ZNF329: variants seen among roughly 807,000 people sequenced by gnomAD.
ZNF329 encodes the protein zinc finger protein 329.
Under a neutral mutation model 26.6 loss-of-function variants are expected in ZNF329, and 15 were observed. That is an observed-to-expected ratio of 0.56 (90% confidence interval 0.38 to 0.87). ZNF329 has a LOEUF of 0.87. ZNF329 is among the 40% of genes least tolerant of loss of function. The pLI is 0.00. For missense variants in ZNF329, 651 were observed against 651.9 expected (o/e 1.00, Z 0.02); for synonymous variants, 239 against 233.5 (o/e 1.02, Z -0.21).
intron 1 of ZNF329, among the ~76,000 whole-genome samples, chr19:58,146,863 C>T (rs938717641): frequency 1.3e-5 from 2 of 151,768 alleles, no homozygotes; most frequent in Non-Finnish European, 2.9e-5. Context: ...CTCAATGGTG[C>T]CCAGGCTGGA....
intron 1 of ZNF329, among the ~76,000 whole-genome samples, chr19:58,144,428 G>T: frequency 7.1e-6 from 1 of 140,072 alleles, no homozygotes; most frequent in African/African-American, 2.7e-5. Context: ...TCGCTCTGTA[G>T]CTGGGCTGGA....
chr19:58,150,068 A>C (rs1353154813), intron 1 of ZNF329, among the ~76,000 whole-genome samples: 1 of 152,154 alleles, frequency 6.6e-6, no homozygotes, highest in Non-Finnish European at 1.5e-5. Flanking sequence ...CAGCTTCTCT[A>C]TCTAAACCAA....
At chr19:58,136,190 C>T (rs924615330) in intron 3 of ZNF329, among the ~76,000 whole-genome samples, 1 of 150,016 alleles carries the variant, frequency 6.7e-6, no homozygotes, top group Non-Finnish European at 1.5e-5. Flanking sequence ...GAGATCATGC[C>T]ACTGACTCCA....
chr19:58,146,541 C>CTCTCCCTCTCCCCACGG (rs1568674935), intron 1 of ZNF329, among the ~76,000 whole-genome samples: 1 of 151,330 alleles, frequency 6.6e-6, no homozygotes, highest in African/African-American at 2.4e-5. Flanking sequence ...CCCCCTCCCC[C>CTCTCCCTCTCCCCACGG]TCTCCCTCTC....
At chr19:58,143,758 T>C (rs753308549) in intron 1 of ZNF329, among the ~76,000 whole-genome samples, 3 of 151,968 alleles carry the variant, frequency 2.0e-5, no homozygotes, top group Non-Finnish European at 2.9e-5. Flanking sequence ...AAATAGTATG[T>C]GAGAAAAAAT....
At chr19:58,135,936 A>G (rs1423361541) in intron 3 of ZNF329, among the ~76,000 whole-genome samples, 2 of 152,192 alleles carry the variant, frequency 1.3e-5, no homozygotes, top group African/African-American at 4.8e-5. Flanking sequence ...AGAAATTACA[A>G]AACACCTAGA....
At chr19:58,135,141 C>T (rs1452384860) in intron 3 of ZNF329, among the ~76,000 whole-genome samples, 1 of 152,012 alleles carries the variant, frequency 6.6e-6, no homozygotes, top group African/African-American at 2.4e-5. Context: ...TAATGGGGGT[C>T]TCAGTATGTT....
chr19:58,129,406 C>T lies in ZNF329; in HGVS notation c.98G>A (p.Ser33Asn), dbSNP rs533229305. The change falls in exon 4 of 4, where the codon AGT becomes AAT. Residue 33 changes from serine to asparagine, a missense_variant. Ser to Asn is a conservative substitution (Grantham distance 46). Coordinates refer to ENST00000598312, the MANE Select transcript of ZNF329 (RefSeq NM_024620.4). The stretch of plus-strand genomic sequence containing the variant: ...CTCACAGTCCCAACCATCACCTAAA[C>T]TGGACAAGCAGGGAACTTCCCTTGT... ...RFTREVPCLSSLGDGWDCENQ... is the reference protein window; with the variant it reads ...RFTREVPCLSNLGDGWDCENQ... The T allele has an allele frequency of 6.2e-7, 1 of 1,614,212 alleles. No homozygotes were observed. The highest frequency in any genetic ancestry group is 1.1e-5 in the South Asian group (1 of 91,086).
chr19:58,129,166 CTT>C lies in ZNF329; in HGVS notation c.336_337del (p.Ser113LeufsTer4). On this transcript the variant is annotated frameshift_variant, in exon 4 of 4. Transcript: ENST00000598312. LOFTEE classifies it high-confidence loss of function. ...GTCACCAGTTCTCTTATCTGCATAA[CTT>C]TTAGGATAGCTGGGTAAGGCGGGGT... is the stretch of plus-strand genomic sequence containing the variant. 6.2e-7 allele frequency: 1 copy of C among 1,614,174 alleles called. No homozygotes were observed. The highest frequency in any genetic ancestry group is 1.6e-4 in the Middle Eastern group (1 of 6,062).
At chr19:58,153,421 T>C (rs773266996), upstream of ZNF329, among the ~76,000 whole-genome samples, 9 of 152,212 alleles carry the variant, frequency 5.9e-5, no homozygotes, top group African/African-American at 1.2e-4. Context: ...CAAGTGTATA[T>C]TCTTGTAGGT....
intron 1 of ZNF329, among the ~76,000 whole-genome samples, chr19:58,144,536 C>T (rs575804695): frequency 2.6e-5 from 4 of 151,648 alleles, no homozygotes; most frequent in Non-Finnish European, 2.9e-5. Flanking sequence ...TACAGGCACG[C>T]GTCACCACAC....
upstream of ZNF329, among the ~76,000 whole-genome samples, chr19:58,151,444 T>C (rs1177778686): frequency 1.3e-5 from 2 of 151,578 alleles, no homozygotes; most frequent in Admixed American, 6.6e-5. Flanking sequence ...CCACTAAAAA[T>C]ACAAAAATTA....
Position 58,126,850 on chromosome 19 carries a change from T to C in ZNF329, c.*1028A>G, listed in dbSNP as rs946428291. ...CTGTATTTTTGGTAGAGATGGGGTTTCACCATGCTGGCCAGGCTGGTCTTG... is the reference window on the plus strand; with the variant it reads ...CTGTATTTTTGGTAGAGATGGGGTTCCACCATGCTGGCCAGGCTGGTCTTG... On this transcript the variant is annotated 3_prime_UTR_variant, in exon 4 of 4. Transcript: ENST00000598312. 3 of 152,200 alleles carry C rather than the reference T, an allele frequency of 2.0e-5. No individual in the cohort carries two copies. The highest frequency in any genetic ancestry group is 4.4e-5 in the Non-Finnish European group (3 of 68,056). The allele number at this position is 152,200 out of a possible 1,614,324, so 9.4% of individuals were successfully genotyped here.
chr19:58,151,328 G>C (rs897047905), upstream of ZNF329, among the ~76,000 whole-genome samples: 10 of 152,296 alleles, frequency 6.6e-5, no homozygotes, highest in South Asian at 4.1e-4. Context: ...GAGAGAAACT[G>C]TGGTATGTGC....
rs1420940806 is a variant in ZNF329, at chr19:58,147,280, G to A, written c.-208+3472C>T. Among the ~76,000 whole-genome samples the A allele has an allele frequency of 4.8e-3, 688 of 144,400 alleles. 7 individuals are homozygous for A. The highest frequency in any genetic ancestry group is 0.016 in the African/African-American group (601 of 38,116). 94.7% of individuals were successfully genotyped at this position (144,400 alleles called of 152,430 possible). On this transcript the variant is annotated intron_variant, in intron 1 of 3. Transcript: ENST00000598312. ...TGAGGAGACCCTCCGCCTGGCAACC[G>A]CCCCGTCTGAGAAGTGAGGAGCCCC... is the stretch of plus-strand genomic sequence containing the variant.
At chr19:58,142,292 T>C (rs964004384) in intron 3 of ZNF329, among the ~76,000 whole-genome samples, 1 of 152,156 alleles carries the variant, frequency 6.6e-6, no homozygotes, top group South Asian at 2.1e-4. Context: ...CATTCGAAGA[T>C]TGACTGTGGC....
At chr19:58,130,694 A>T (rs931584269) in intron 3 of ZNF329, among the ~76,000 whole-genome samples, 3 of 150,606 alleles carry the variant, frequency 2.0e-5, no homozygotes, top group Non-Finnish European at 3.0e-5. Flanking sequence ...AAAAAAAAAA[A>T]CTGGATCATG....
At position 58,129,197 on chromosome 19, in the gene ZNF329, A is replaced by G; in HGVS notation, c.307T>C (p.Cys103Arg). The stretch of plus-strand genomic sequence containing the variant: ...GGATAGCTGGGTAAGGCGGGGTCAC[A>G]ATCCAGACCACTAACATTTGAGTCA... ...APDSNVSGLD[C>R]DPALPSYPKS... is the part of the protein sequence containing the mutation. The change falls in exon 4 of 4, where the codon TGT becomes CGT. Residue 103 changes from cysteine (C) to arginine (R), a missense_variant. Physicochemically the swap from Cys to Arg is radical, Grantham distance 180. Transcript: ENST00000598312. The G allele has an allele frequency of 6.2e-7, 1 of 1,614,230 alleles. No individual in the cohort carries two copies. Among genetic ancestry groups the G allele is most frequent in the Non-Finnish European group, 8.5e-7 (1 of 1,180,048 alleles).
upstream of ZNF329, among the ~76,000 whole-genome samples, chr19:58,152,993 T>A (rs2075485284): frequency 6.6e-6 from 1 of 152,122 alleles, no homozygotes; most frequent in African/African-American, 2.4e-5. Context: ...AAAGTAATAA[T>A]CTAGTAATAA....
Sources: allele counts gnomAD v4.1 joint callset (sites outside exome capture counted in the v4.1 genomes callset), GRCh38; gene constraint gnomAD v4.1.1; transcripts MANE v1.5; gene names NCBI Gene and HGNC (gene_info 2026-07-23, HGNC 2026-07-21).